Variants in COL17A1 observed in about 807,000 individuals in gnomAD.
COL17A1 encodes the protein collagen type XVII alpha 1 chain.
COL17A1 carries 181 observed loss-of-function variants against 218.4 expected under a neutral mutation model. The ratio of observed to expected loss-of-function variants is 0.83; its 90% CI spans 0.73 to 0.94. The LOEUF (loss-of-function observed/expected upper bound fraction) is 0.94, where lower values mean the gene tolerates loss of function less well. COL17A1 is among the 40% of genes least tolerant of loss of function. The pLI is 0.00. For missense variants in COL17A1, 1,924 were observed against 1,945.9 expected (o/e 0.99, Z 0.21); for synonymous variants, 721 against 731.0 (o/e 0.99, Z 0.22).
At chr10:104,057,317 C>T in intron 16 of COL17A1, 145 bp from the exon 17 acceptor site, 2 of 1,326,650 alleles carry the variant, frequency 1.5e-6, no homozygotes, top group Non-Finnish European at 2.1e-6. Flanking sequence ...CAGGACAGGG[C>T]TGGCTCCTGG....
In COL17A1 at chr10:104,076,235, T is replaced by C; in HGVS notation, c.331+66A>G. ...ACACAGGTGGCCAGCATGTAAATCT[T>C]CAAAGAATGAGTGAAGTTGCTTGGG... On this transcript the variant is annotated intron_variant, in intron 5 of 55. Transcript: ENST00000648076. 3 of 1,610,894 alleles carry C rather than the reference T, an allele frequency of 1.9e-6. No homozygotes were observed. In the Admixed American group the frequency reaches 5.0e-5, roughly 27 times the overall value.
At chr10:104,038,304 A>G in intron 45 of COL17A1, 102 bp downstream of exon 45, 1 of 1,499,496 alleles carries the variant, frequency 6.7e-7, no homozygotes, top group Non-Finnish European at 9.2e-7. Flanking sequence ...ACATCGTCCC[A>G]TGTCTCTTAG....
At chr10:104,078,437 TA>T in intron 3 of COL17A1, 104 bp downstream of exon 3, 1 of 1,439,446 alleles carries the variant, frequency 6.9e-7, no homozygotes, top group Non-Finnish European at 9.7e-7. Context: ...ATATAGCTGT[TA>T]AAAAAGATGT....
Position 104,072,057 on chromosome 10 carries a change from C to T in COL17A1, c.438G>A (p.Leu146=). Residue 146 remains leucine, a synonymous_variant, in exon 8 of 56, where the codon CTG becomes CTA. Transcript: ENST00000648076. ...QTRESEIRVR[L]QSASPSTRWT... ...ATCGGGTGGATGGGGACGCACTCTG[C>T]AGTCGAACTCGAATTTCACTCTCTG... The T allele has an allele frequency of 1.2e-6, 2 of 1,614,146 alleles. No individual in the cohort carries two copies. The highest frequency in any genetic ancestry group is 2.7e-5 in the African/African-American group (2 of 75,002).
intron 33 of COL17A1, 27 bp from the exon 34 acceptor site, chr10:104,043,887 T>C (rs750306019): frequency 1.2e-6 from 2 of 1,613,802 alleles, no homozygotes; most frequent in South Asian, 2.2e-5. Flanking sequence ...AGGCTGAGAG[T>C]GGTTGTTCTG....
At chr10:104,043,345 G>A (rs1334916169) in intron 35 of COL17A1, among the ~76,000 whole-genome samples, 156 bp downstream of exon 35, 1 of 152,206 alleles carries the variant, frequency 6.6e-6, no homozygotes, top group Non-Finnish European at 1.5e-5. Flanking sequence ...CTCATTGTCT[G>A]AGAATGCAAG....
At chr10:104,062,185 C>T in intron 12 of COL17A1, 73 bp downstream of exon 12, 1 of 1,611,544 alleles carries the variant, frequency 6.2e-7, no homozygotes, top group Non-Finnish European at 8.5e-7. Flanking sequence ...TTTTGGGTCT[C>T]CTAATTCAGT....
chr10:104,074,744 A>C (rs1018227466), intron 5 of COL17A1, among the ~76,000 whole-genome samples: 4 of 152,226 alleles, frequency 2.6e-5, no homozygotes, highest in African/African-American at 9.6e-5. Context: ...ACAGCCCAGC[A>C]GCTCTTGTCC....
chr10:104,084,877 A>T (rs2086793355), intron 1 of COL17A1, among the ~76,000 whole-genome samples: 1 of 152,218 alleles, frequency 6.6e-6, no homozygotes, highest in South Asian at 2.1e-4. Flanking sequence ...TACGTTTTAC[A>T]AGTCCACTAT....
At position 104,045,816 on chromosome 10, in the gene COL17A1, T is replaced by G. The variant is rs1409373113; in HGVS notation, c.2363-23A>C. 1.9e-6 allele frequency: 3 copies of G among 1,607,510 alleles called. No individual in the cohort carries two copies. In the African/African-American group the frequency reaches 4.0e-5, roughly 22 times the overall value. ...GTCCTGATGTGATTAGAACAAGTAG[T>G]CAGGACGATGAAGGCCCAGCAATTC... On this transcript the variant is annotated intron_variant, in intron 32 of 55. Transcript: ENST00000648076.
chr10:104,075,040 G>T (rs1381114633), intron 5 of COL17A1, among the ~76,000 whole-genome samples: 1 of 152,186 alleles, frequency 6.6e-6, no homozygotes, highest in Middle Eastern at 3.4e-3. Context: ...GTATGTTCCT[G>T]GTCTCCCCTT....
At chr10:104,085,406 CA>C (rs1293645560) in intron 1 of COL17A1, among the ~76,000 whole-genome samples, 1 of 152,142 alleles carries the variant, frequency 6.6e-6, no homozygotes, top group African/African-American at 2.4e-5. Flanking sequence ...AAGCCCGTAT[CA>C]TATTCTAAAT....
intron 7 of COL17A1, among the ~76,000 whole-genome samples, 169 bp downstream of exon 7, chr10:104,073,041 T>A (rs1048200067): frequency 6.6e-6 from 1 of 152,160 alleles, no homozygotes; most frequent in African/African-American, 2.4e-5. Flanking sequence ...CCCCTCCCGA[T>A]AGAGCCGGTG....
intron 8 of COL17A1, among the ~76,000 whole-genome samples, chr10:104,071,130 C>T (rs1653760160): frequency 1.3e-5 from 2 of 152,184 alleles, no homozygotes; most frequent in South Asian, 4.1e-4. Context: ...GCCTCCCATA[C>T]AGGAAGCAGG....
intron 11 of COL17A1, among the ~76,000 whole-genome samples, chr10:104,062,932 T>C (rs147267780): frequency 2.5e-3 from 374 of 152,334 alleles, no homozygotes; most frequent in African/African-American, 8.8e-3. Context: ...ATATCAAGGA[T>C]CTGGTATCAG....
intron 47 of COL17A1, 119 bp from the exon 48 acceptor site, chr10:104,036,751 T>C (rs2086303768): frequency 7.8e-7 from 1 of 1,290,316 alleles, no homozygotes; most frequent in East Asian, 2.5e-5. Flanking sequence ...TTGTGAGTTC[T>C]GGGTCCGCAG....
chr10:104,061,579 A>G (rs2134630223), intron 12 of COL17A1, 106 bp from the exon 13 acceptor site: 3 of 879,590 alleles, frequency 3.4e-6, no homozygotes, highest in East Asian at 5.3e-5. Flanking sequence ...TCCAGTGAGA[A>G]GCAGATGATG....
intron 9 of COL17A1, 131 bp from the exon 10 acceptor site, chr10:104,064,727 C>T: frequency 1.2e-6 from 1 of 854,442 alleles, no homozygotes. Context: ...GGAACTTTCT[C>T]AGTCCAGGAA....
At chr10:104,056,844 C>T in intron 17 of COL17A1, 131 bp downstream of exon 17, 1 of 1,521,478 alleles carries the variant, frequency 6.6e-7, no homozygotes, top group Non-Finnish European at 8.8e-7. Context: ...TAACAAGGGT[C>T]TGCACCAATG....
Sources: allele counts gnomAD v4.1 joint callset (sites outside exome capture counted in the v4.1 genomes callset), GRCh38; gene constraint gnomAD v4.1.1; transcripts MANE v1.5; gene names NCBI Gene and HGNC (gene_info 2026-07-23, HGNC 2026-07-21).